Variants in XXYLT1 observed in about 807,000 individuals in gnomAD.
The protein encoded by XXYLT1 is UDP-xylose:alpha-xyloside alpha-1,3-xylosyltransferase.
Under a neutral mutation model 28.9 loss-of-function variants are expected in XXYLT1, and 20 were observed. That is an observed-to-expected ratio of 0.69 (90% CI 0.49 to 1.00). The LOEUF (loss-of-function observed/expected upper bound fraction) is 1.00, where lower values mean the gene tolerates loss of function less well. Ranked by LOEUF, XXYLT1 falls within the 50% of genes least tolerant of loss-of-function variation. The probability of loss-of-function intolerance (pLI) is 0.00; values close to 1 mark genes in which losing one functional copy is unlikely to be tolerated. For synonymous variants in XXYLT1, 257 were observed against 253.8 expected, an observed-to-expected ratio of 1.01 and a Z score of -0.12; for missense variants, 542 against 560.1, an observed-to-expected ratio of 0.97 and a Z score of 0.33.
intron 3 of XXYLT1, among the ~76,000 whole-genome samples, chr3:195,090,441 G>A (rs1716067777): frequency 2.7e-5 from 4 of 150,142 alleles, no homozygotes; most frequent in African/African-American, 7.5e-5. Context: ...GGTACATAAC[G>A]AAATGAAGGC....
At chr3:195,270,365 T>A (rs1725979165) in intron 1 of XXYLT1, 190 bp downstream of exon 1, 1 of 920,308 alleles carries the variant, frequency 1.1e-6, no homozygotes, top group African/African-American at 1.8e-5. Context: ...CAGCACCAGC[T>A]GAGGGCGTCT....
At chr3:195,261,184 G>C (rs1259294529) in intron 1 of XXYLT1, among the ~76,000 whole-genome samples, 1 of 152,226 alleles carries the variant, frequency 6.6e-6, no homozygotes, top group African/African-American at 2.4e-5. Flanking sequence ...TGTAATCCCA[G>C]CATTTTGGGA....
rs192591804 is a variant in XXYLT1 at position 195,150,787 on chromosome 3, C to T, written c.785+5662G>A. Among the ~76,000 whole-genome samples the T allele has an allele frequency of 1.8e-3, 264 of 150,632 alleles. 6 individuals carry two copies. The highest frequency in any genetic ancestry group is 3.1e-4 in the Non-Finnish European group (21 of 67,576). On this transcript the variant is annotated intron_variant, in intron 3 of 3. Coordinates refer to ENST00000310380, the MANE Select transcript of XXYLT1 (RefSeq NM_152531.5). This position sits in a 1 kb window ranked among gnomAD's most constrained non-coding sequence, Gnocchi z 4.7. The stretch of plus-strand genomic sequence containing the variant: ...GCCCACATACGCACACACTCACACA[C>T]ATATGCACACTCTCACACACTCACA...
chr3:195,141,834 C>T (rs933229461), intron 3 of XXYLT1, among the ~76,000 whole-genome samples: 2 of 152,200 alleles, frequency 1.3e-5, no homozygotes, highest in South Asian at 2.1e-4. Flanking sequence ...GGCTGCTTCC[C>T]GCCTAATTGA....
At chr3:195,149,912 G>C (rs894383477) in intron 3 of XXYLT1, among the ~76,000 whole-genome samples, 1 of 152,194 alleles carries the variant, frequency 6.6e-6, no homozygotes, top group Non-Finnish European at 1.5e-5. Context: ...GAAGCCGGGA[G>C]ATAACATATC....
At chr3:195,094,040 C>T (rs1333169078) in intron 3 of XXYLT1, 3 of 156,480 alleles carry the variant, frequency 1.9e-5, no homozygotes, top group Non-Finnish European at 2.8e-5. Flanking sequence ...CCTCCTCCTC[C>T]TCCTCTTCCT....
intron 3 of XXYLT1, chr3:195,095,299 C>T (rs1303562279): frequency 1.8e-4 from 27 of 153,810 alleles, no homozygotes; most frequent in South Asian, 2.1e-4. Context: ...CTCCCTGTGG[C>T]GGTGGTGAGT....
At chr3:195,084,047 G>A (rs1005116570) in intron 3 of XXYLT1, among the ~76,000 whole-genome samples, 1 of 152,022 alleles carries the variant, frequency 6.6e-6, no homozygotes, top group East Asian at 1.9e-4. Context: ...AAAGTGATGT[G>A]CTGATGGTCA....
chr3:195,151,879 AAGGG>A (rs1216826909), intron 3 of XXYLT1, among the ~76,000 whole-genome samples: 4 of 140,716 alleles, frequency 2.8e-5, no homozygotes, highest in Non-Finnish European at 6.2e-5. Flanking sequence ...AGTGAAGATT[AAGGG>A]AGGGAGGGAG....
chr3:195,143,026 G>A (rs1719574350), intron 3 of XXYLT1, among the ~76,000 whole-genome samples: 1 of 150,914 alleles, frequency 6.6e-6, no homozygotes, highest in South Asian at 2.1e-4. Context: ...GTGAGTCTGG[G>A]GATCTTTTCA....
chr3:195,162,103 A>C (rs1720902540), intron 2 of XXYLT1, among the ~76,000 whole-genome samples: 1 of 152,028 alleles, frequency 6.6e-6, no homozygotes, highest in Admixed American at 6.5e-5. Context: ...TTTCAAAAAA[A>C]AAAAAAAAAA....
intron 2 of XXYLT1, among the ~76,000 whole-genome samples, chr3:195,158,471 T>A (rs1720715449): frequency 6.6e-6 from 1 of 152,236 alleles, no homozygotes; most frequent in Non-Finnish European, 1.5e-5. Flanking sequence ...AGGGACCAAC[T>A]GGGAGTAAAC....
chr3:195,131,244 T>C (rs1718895896), intron 3 of XXYLT1, among the ~76,000 whole-genome samples: 1 of 152,186 alleles, frequency 6.6e-6, no homozygotes, highest in Admixed American at 6.5e-5. Context: ...AACCACCCTC[T>C]TTCCGTCTCC....
At chr3:195,179,859 T>C (rs1721861066) in intron 2 of XXYLT1, among the ~76,000 whole-genome samples, 1 of 152,212 alleles carries the variant, frequency 6.6e-6, no homozygotes, top group South Asian at 2.1e-4. Flanking sequence ...AAGTGTGGTG[T>C]TGAGCCAGGA....
chr3:195,172,102 C>G (rs1482745480), intron 2 of XXYLT1, among the ~76,000 whole-genome samples: 1 of 152,172 alleles, frequency 6.6e-6, no homozygotes, highest in Non-Finnish European at 1.5e-5. Flanking sequence ...TAAGTACCAT[C>G]ATGATGGTTG....
chr3:195,179,159 G>T (rs1721820248), intron 2 of XXYLT1, among the ~76,000 whole-genome samples: 1 of 152,012 alleles, frequency 6.6e-6, no homozygotes, highest in South Asian at 2.1e-4. Context: ...GGGCAATATG[G>T]TGAAACCCCG....
intron 3 of XXYLT1, among the ~76,000 whole-genome samples, chr3:195,097,548 A>G (rs543047352): frequency 5.3e-5 from 8 of 152,284 alleles, no homozygotes; most frequent in African/African-American, 1.9e-4. Flanking sequence ...CACTTTATAG[A>G]CAAGGAAACT....
At chr3:195,221,533 G>C (rs1024224098) in intron 2 of XXYLT1, among the ~76,000 whole-genome samples, 1 of 152,344 alleles carries the variant, frequency 6.6e-6, no homozygotes, top group African/African-American at 2.4e-5. Flanking sequence ...TCTCCTGGGG[G>C]CCTCTGGCCA....
In XXYLT1 at chr3:195,240,197, T is replaced by G. The variant is rs1724716830; in HGVS notation, c.505-13341A>C. Reference sequence around the variant, plus strand: ...AAAAGACCTTGGAAAGGCTCAACTCTTTCGAAAGGGACAGTGTAGGGAGGA... The same window carrying G: ...AAAAGACCTTGGAAAGGCTCAACTCGTTCGAAAGGGACAGTGTAGGGAGGA... On this transcript the variant is annotated intron_variant, in intron 1 of 3. Transcript: ENST00000310380. This position sits in a 1 kb window ranked among gnomAD's most constrained non-coding sequence, Gnocchi z 4.7. Among the ~76,000 whole-genome samples, 1 of 152,186 alleles carries G rather than the reference T, an allele frequency of 6.6e-6. No individual in the cohort carries two copies. Among genetic ancestry groups the G allele is most frequent in the Admixed American group, 6.5e-5 (1 of 15,286 alleles).
Sources: gnomAD v4.1 joint callset for allele counts (sites outside exome capture counted in the v4.1 genomes callset) on GRCh38, gnomAD v4.1.1 for gene constraint, Gnocchi (gnomAD v3.1) non-coding constraint, MANE v1.5 for transcripts, NCBI Gene and HGNC (gene_info 2026-07-23, HGNC 2026-07-21) for gene names.